Variants in ERBB4 observed in about 807,000 individuals in gnomAD.
The protein encoded by ERBB4 is erb-b2 receptor tyrosine kinase 4.
Under a neutral mutation model 158.0 loss-of-function variants are expected in ERBB4, and 42 were observed. The observed-to-expected ratio is 0.27, with a 90% confidence interval of 0.21 to 0.34. ERBB4 has a LOEUF of 0.34. Ranked by LOEUF, ERBB4 falls within the 10% of genes least tolerant of loss-of-function variation. ERBB4 has a pLI of 1.00. For missense variants in ERBB4, 1,333 were observed against 1,624.1 expected, an observed-to-expected ratio of 0.82 and a Z score of 3.08; for synonymous variants, 583 against 558.7, an observed-to-expected ratio of 1.04 and a Z score of -0.61.
intron 1 of ERBB4, among the ~76,000 whole-genome samples, chr2:212,265,571 GT>G (rs1559880476): frequency 6.6e-6 from 1 of 151,926 alleles, no homozygotes; most frequent in Admixed American, 6.6e-5. Context: ...ATATCTTTCA[GT>G]TTTTTTCTTC....
chr2:212,185,823 A>C (rs927346475), intron 1 of ERBB4, among the ~76,000 whole-genome samples: 1 of 152,166 alleles, frequency 6.6e-6, no homozygotes, highest in African/African-American at 2.4e-5. Flanking sequence ...AATTACAAGC[A>C]TACTTTGGAA....
intron 20 of ERBB4, among the ~76,000 whole-genome samples, chr2:211,434,696 A>G (rs1267332456): frequency 2.0e-5 from 3 of 152,140 alleles, no homozygotes; most frequent in Non-Finnish European, 4.4e-5. Flanking sequence ...GCTAAATACT[A>G]TTTTTCCAGA....
chr2:211,540,859 C>A (rs1451081792), intron 20 of ERBB4, among the ~76,000 whole-genome samples: 2 of 152,010 alleles, frequency 1.3e-5, no homozygotes, highest in South Asian at 4.2e-4. Context: ...TACTGTATAA[C>A]AAAAATAATT....
intron 3 of ERBB4, among the ~76,000 whole-genome samples, chr2:211,861,339 GTT>G (rs1553648578): frequency 6.7e-5 from 6 of 89,856 alleles, no homozygotes; most frequent in South Asian, 6.8e-4. Flanking sequence ...TTTTTTTTTT[GTT>G]TTTTTTTTGT....
intron 19 of ERBB4, among the ~76,000 whole-genome samples, chr2:211,611,644 T>C (rs901020766): frequency 6.6e-6 from 1 of 152,296 alleles, no homozygotes; most frequent in South Asian, 2.1e-4. Flanking sequence ...AAATCTGTGA[T>C]AAAATCAACT....
chr2:212,306,912 T>C (rs12993606), intron 1 of ERBB4, among the ~76,000 whole-genome samples: 4,344 of 151,548 alleles, frequency 0.029, 111 homozygotes, highest in South Asian at 0.12. Context: ...GATTTAATTG[T>C]AAGATTTCTG....
intron 4 of ERBB4, chr2:211,779,294 A>C (rs1268075650): frequency 6.6e-6 from 1 of 152,212 alleles, no homozygotes; most frequent in Admixed American, 6.5e-5. Flanking sequence ...TTTAACCGGC[A>C]TCTTATTAGC....
intron 16 of ERBB4, among the ~76,000 whole-genome samples, chr2:211,635,604 CA>C (rs751496281): frequency 1.3e-5 from 2 of 151,346 alleles, no homozygotes; most frequent in South Asian, 2.1e-4. Context: ...TGTCAGACCA[CA>C]AAAAAAATGT....
rs2062547277 is a variant in ERBB4 at position 211,379,968 on chromosome 2, G to GTC, written c.*3646_*3647insGA. 4.3e-6 allele frequency: 1 copy of GTC among 231,786 alleles called. No homozygotes were observed. Among genetic ancestry groups the GTC allele is most frequent in the Admixed American group, 5.7e-5 (1 of 17,686 alleles). The allele number at this position is 231,786 out of a possible 1,614,324, so 14.4% of individuals were successfully genotyped here. On this transcript the variant is annotated 3_prime_UTR_variant, in exon 28 of 28. Transcript: ENST00000342788. ...CTTTTCTTGATTTTTCCTTAGCATT[G>GTC]TAAGTATGCACAATCTTCATGCCAT...
At chr2:211,607,259 C>T (rs1422317935) in intron 19 of ERBB4, among the ~76,000 whole-genome samples, 2 of 152,038 alleles carry the variant, frequency 1.3e-5, no homozygotes, top group Non-Finnish European at 2.9e-5. Flanking sequence ...TTCATTTTCC[C>T]CAAGTTAACT....
intron 20 of ERBB4, among the ~76,000 whole-genome samples, chr2:211,556,549 G>A (rs2067242274): frequency 6.6e-6 from 1 of 151,672 alleles, no homozygotes; most frequent in Non-Finnish European, 1.5e-5. Flanking sequence ...GGGTACATAG[G>A]TGTATATACT....
rs36173850 is a variant in ERBB4, at chr2:211,978,363, AGTCT to A, written c.235-30751_235-30748del. On this transcript the variant is annotated intron_variant, in intron 2 of 27. Coordinates refer to ENST00000342788, the MANE Select transcript of ERBB4 (RefSeq NM_005235.3). ...GGAGCCAGAAAGTGAAAGGAGTCTG[AGTCT>A]GTCTGTCTGTCTGTCTGTCTGTCTG... Among the ~76,000 whole-genome samples the A allele has an allele frequency of 5.5e-3, 743 of 135,208 alleles. 5 individuals are homozygous for A. The highest frequency in any genetic ancestry group is 7.5e-3 in the Non-Finnish European group (465 of 62,280). 88.7% of individuals were successfully genotyped at this position (135,208 alleles called of 152,430 possible).
At chr2:211,643,626 C>T (rs2070682169) in intron 16 of ERBB4, among the ~76,000 whole-genome samples, 1 of 152,032 alleles carries the variant, frequency 6.6e-6, no homozygotes. Flanking sequence ...AAGTCAATGG[C>T]CCTTTCCTTT....
intron 18 of ERBB4, among the ~76,000 whole-genome samples, chr2:211,622,909 G>C (rs1430670884): frequency 7.4e-6 from 1 of 135,630 alleles, no homozygotes; most frequent in East Asian, 2.5e-4. Flanking sequence ...GTTGCAGTGA[G>C]TGGAGATCAC....
chr2:212,294,706 A>C (rs1312499562), intron 1 of ERBB4, among the ~76,000 whole-genome samples: 1 of 152,086 alleles, frequency 6.6e-6, no homozygotes, highest in African/African-American at 2.4e-5. Context: ...TAGAATTTTA[A>C]AATTGTCTTA....
chr2:211,856,014 C>T (rs12613767), intron 3 of ERBB4, among the ~76,000 whole-genome samples: 32,626 of 152,006 alleles, frequency 0.21, 3,624 homozygotes, highest in South Asian at 0.32. Context: ...ATGGGTACAA[C>T]GTACCTTATT....
intron 1 of ERBB4, among the ~76,000 whole-genome samples, chr2:212,526,578 A>G (rs1467996964): frequency 6.6e-6 from 1 of 152,028 alleles, no homozygotes; most frequent in African/African-American, 2.4e-5. Flanking sequence ...GGGAAATATT[A>G]TTAACTGTTT....
chr2:211,635,611 A>T (rs899104728), intron 16 of ERBB4, among the ~76,000 whole-genome samples: 48 of 152,156 alleles, frequency 3.2e-4, no homozygotes, highest in Admixed American at 3.3e-4. Flanking sequence ...CCACAAAAAA[A>T]ATGTAATAAA....
At chr2:211,841,500 A>G (rs1201293271) in intron 3 of ERBB4, among the ~76,000 whole-genome samples, 2 of 152,034 alleles carry the variant, frequency 1.3e-5, no homozygotes, top group Non-Finnish European at 2.9e-5. Flanking sequence ...GAAATATTAA[A>G]GTTAGTGTGG....
Sources: allele counts gnomAD v4.1 joint callset (sites outside exome capture counted in the v4.1 genomes callset), GRCh38; gene constraint gnomAD v4.1.1; transcripts MANE v1.5; gene names NCBI Gene and HGNC (gene_info 2026-07-23, HGNC 2026-07-21).